The following AGBL4 variants were observed in gnomAD, a reference collection of about 807,000 sequenced individuals.
AGBL4 encodes AGBL carboxypeptidase 4.
Under a neutral mutation model 66.4 loss-of-function variants are expected in AGBL4, and 58 were observed. That is an observed-to-expected ratio of 0.87 (90% CI 0.71 to 1.09). The LOEUF is 1.09. Among genes scored for constraint, AGBL4 ranks in the 50% least tolerant of loss-of-function variants. AGBL4 has a pLI of 0.00. For synonymous variants in AGBL4, 234 were observed against 222.9 expected, an observed-to-expected ratio of 1.05 and a Z score of -0.44; for missense variants, 579 against 631.0, an observed-to-expected ratio of 0.92 and a Z score of 0.88.
intron 3 of AGBL4, among the ~76,000 whole-genome samples, chr1:49,419,043 G>T (rs1278360983): frequency 6.6e-6 from 1 of 152,132 alleles, no homozygotes; most frequent in Admixed American, 6.5e-5. Context: ...GGGAAAGGAT[G>T]GAGATAAATT....
At chr1:49,691,571 C>A (rs1204844597) in intron 3 of AGBL4, 1 of 152,108 alleles carries the variant, frequency 6.6e-6, no homozygotes, top group African/African-American at 2.4e-5. Flanking sequence ...AGTATTGAGT[C>A]CCTATTGTCT....
At chr1:49,840,209 G>T (rs1334497159) in intron 2 of AGBL4, among the ~76,000 whole-genome samples, 1 of 152,178 alleles carries the variant, frequency 6.6e-6, no homozygotes, top group East Asian at 1.9e-4. Flanking sequence ...GACATAGTGT[G>T]CTTCCAGGAA....
intron 8 of AGBL4, among the ~76,000 whole-genome samples, chr1:48,636,687 T>C (rs2148417866): frequency 6.6e-6 from 1 of 152,348 alleles, no homozygotes; most frequent in South Asian, 2.1e-4. Flanking sequence ...ATCTGACGTA[T>C]TGCTACTCAT....
intron 3 of AGBL4, among the ~76,000 whole-genome samples, chr1:49,358,922 TATA>T (rs1269916771): frequency 6.6e-6 from 1 of 152,246 alleles, no homozygotes; most frequent in Non-Finnish European, 1.5e-5. Flanking sequence ...GTCTTACATT[TATA>T]ATAATAGTCC....
chr1:49,743,289 G>C (rs1010286665), intron 2 of AGBL4, among the ~76,000 whole-genome samples: 1 of 152,054 alleles, frequency 6.6e-6, no homozygotes, highest in African/African-American at 2.4e-5. Flanking sequence ...GCAGCCAACA[G>C]ACACATGAAA....
At chr1:48,666,849 T>C (rs1275523305) in intron 6 of AGBL4, among the ~76,000 whole-genome samples, 1 of 152,248 alleles carries the variant, frequency 6.6e-6, no homozygotes, top group Non-Finnish European at 1.5e-5. Flanking sequence ...GTAGCACTTA[T>C]TCTTTGCCAG....
At chr1:49,202,459 A>T (rs2148232576) in intron 4 of AGBL4, among the ~76,000 whole-genome samples, 1 of 152,272 alleles carries the variant, frequency 6.6e-6, no homozygotes, top group East Asian at 1.9e-4. Context: ...TAGAGAGCCA[A>T]AAAATAAACC....
intron 4 of AGBL4, among the ~76,000 whole-genome samples, chr1:49,065,297 G>T (rs551169366): frequency 6.6e-6 from 1 of 152,312 alleles, no homozygotes; most frequent in Non-Finnish European, 1.5e-5. Flanking sequence ...GACATAGGTG[G>T]GGTGATGACA....
At chr1:49,004,679 A>G (rs561980598) in intron 5 of AGBL4, among the ~76,000 whole-genome samples, 1 of 152,350 alleles carries the variant, frequency 6.6e-6, no homozygotes, top group African/African-American at 2.4e-5. Flanking sequence ...GGCACAAAGC[A>G]CTGAGAGAAA....
chr1:49,776,528 T>G (rs1644202252), intron 2 of AGBL4, among the ~76,000 whole-genome samples: 2 of 152,132 alleles, frequency 1.3e-5, no homozygotes, highest in Non-Finnish European at 2.9e-5. Flanking sequence ...ACTGTTCCCT[T>G]AGGGTATTAC....
chr1:48,886,787 G>A (rs904753746), intron 5 of AGBL4, among the ~76,000 whole-genome samples: 3 of 152,074 alleles, frequency 2.0e-5, no homozygotes, highest in African/African-American at 2.4e-5. Context: ...TCCAGACCTC[G>A]TGATCCGCCC....
intron 2 of AGBL4, among the ~76,000 whole-genome samples, chr1:49,706,680 A>AT (rs1253398231): frequency 5.9e-5 from 9 of 152,110 alleles, no homozygotes; most frequent in Non-Finnish European, 1.2e-4. Context: ...TCATGAGGGC[A>AT]TTTAGTGCTA....
intron 3 of AGBL4, among the ~76,000 whole-genome samples, chr1:49,279,927 C>G (rs1329388020): frequency 6.6e-6 from 1 of 152,178 alleles, no homozygotes; most frequent in Non-Finnish European, 1.5e-5. Context: ...GATAGCGAAG[C>G]CTGAATGCTG....
intron 5 of AGBL4, among the ~76,000 whole-genome samples, chr1:49,000,803 A>G (rs1661343055): frequency 6.6e-6 from 1 of 152,212 alleles, no homozygotes; most frequent in Non-Finnish European, 1.5e-5. Context: ...TGCCTTGTTT[A>G]GTGTTGCCTA....
At chr1:48,531,941 G>A (rs575002209), downstream of AGBL4, among the ~76,000 whole-genome samples, 2 of 151,950 alleles carry the variant, frequency 1.3e-5, no homozygotes, top group East Asian at 3.9e-4. Context: ...GTGCCACCAC[G>A]CCTGGCTAAT....
intron 3 of AGBL4, among the ~76,000 whole-genome samples, chr1:49,629,144 C>T (rs1250291337): frequency 1.3e-5 from 2 of 152,172 alleles, no homozygotes; most frequent in Non-Finnish European, 2.9e-5. Context: ...ATTATTGGAA[C>T]ACAGCCATTT....
At chr1:49,596,848 T>A (rs1253045051) in intron 3 of AGBL4, among the ~76,000 whole-genome samples, 2 of 152,202 alleles carry the variant, frequency 1.3e-5, no homozygotes, top group African/African-American at 4.8e-5. Flanking sequence ...ATGCTCATGC[T>A]TATTGTGACT....
At chr1:48,938,074 AAAGTACTG>A (rs1482983972) in intron 5 of AGBL4, among the ~76,000 whole-genome samples, 2 of 152,226 alleles carry the variant, frequency 1.3e-5, no homozygotes, top group Non-Finnish European at 2.9e-5. Context: ...GATTAAAAAT[AAAGTACTG>A]AAGGTGTATG....
intron 1 of AGBL4, among the ~76,000 whole-genome samples, chr1:49,985,475 GA>G (rs1262921787): frequency 6.6e-6 from 1 of 151,686 alleles, no homozygotes; most frequent in African/African-American, 2.4e-5. Flanking sequence ...TAAGTGAAGA[GA>G]AAAAAAATCA....
Sources: allele counts gnomAD v4.1 joint callset (sites outside exome capture counted in the v4.1 genomes callset), GRCh38; gene constraint gnomAD v4.1.1; transcripts MANE v1.5; gene names NCBI Gene and HGNC (gene_info 2026-07-23, HGNC 2026-07-21).